EDARADD: variants seen among roughly 807,000 people sequenced by gnomAD.
The protein encoded by EDARADD is EDAR associated via death domain.
A neutral mutation model predicts 25.6 loss-of-function variants in EDARADD; 20 were observed. That is an observed-to-expected ratio of 0.78 (90% CI 0.55 to 1.14). EDARADD has a LOEUF of 1.14. Among genes scored for constraint, EDARADD ranks in the 50% most tolerant of loss-of-function variants. The probability of loss-of-function intolerance (pLI) is 0.00; values close to 1 mark genes in which losing one functional copy is unlikely to be tolerated. For missense variants in EDARADD, 225 were observed against 270.1 expected (o/e 0.83, Z 1.17); for synonymous variants, 86 against 94.4 (o/e 0.91, Z 0.52).
intron 3 of EDARADD, among the ~76,000 whole-genome samples, chr1:236,375,770 C>T (rs1572114806): frequency 6.6e-6 from 1 of 151,614 alleles, no homozygotes; most frequent in Non-Finnish European, 1.5e-5. Context: ...GCCTGTAGTC[C>T]CAGCTACTTG....
At chr1:236,427,341 TTTTTA>T (rs1399966805) in intron 3 of EDARADD, 46 bp from the exon 4 acceptor site, 2 of 1,577,012 alleles carry the variant, frequency 1.3e-6, no homozygotes, top group Non-Finnish European at 1.7e-6. Flanking sequence ...GAGTGTGTGC[TTTTTA>T]AAATCACACT....
chr1:236,483,957 G>T lies in EDARADD; in HGVS notation c.*1308G>T. On this transcript the variant is annotated 3_prime_UTR_variant, in exon 6 of 6. Coordinates refer to ENST00000334232, the MANE Select transcript of EDARADD (RefSeq NM_145861.4). ...GTATGACCTGGAATTCAAGTTTCTC[G>T]ACGACCCCACCAGGTACATCTCACC... is the stretch of plus-strand genomic sequence containing the variant. 1 of 1,371,668 alleles carries T rather than the reference G, an allele frequency of 7.3e-7. No homozygotes were observed. The highest frequency in any genetic ancestry group is 1.2e-5 in the South Asian group (1 of 85,866). The allele number at this position is 1,371,668 out of a possible 1,614,324, so 85.0% of individuals were successfully genotyped here.
intron 4 of EDARADD, among the ~76,000 whole-genome samples, chr1:236,436,282 G>A (rs1042738420): frequency 9.2e-5 from 14 of 151,720 alleles, no homozygotes; most frequent in Non-Finnish European, 1.5e-4. Context: ...CTCAGCCCCC[G>A]AGTAGCTCGA....
In EDARADD at chr1:236,395,774, G is replaced by A. The variant is rs896486994; in HGVS notation, c.61+1269G>A. The A allele has an allele frequency of 1.7e-6, 2 of 1,168,376 alleles. No individual in the cohort carries two copies. The highest frequency in any genetic ancestry group is 1.6e-5 in the African/African-American group (1 of 61,184). The allele number at this position is 1,168,376 out of a possible 1,614,324, so 72.4% of individuals were successfully genotyped here. A position where few individuals can be genotyped will look rare whatever the true frequency, so the allele number is the denominator to read the frequency against. ...GAGGCCGGGCCTCGGCGACCCCCGA[G>A]GGAGGCCCGGGAACCACCCCCGACC... is the stretch of plus-strand genomic sequence containing the variant. On this transcript the variant is annotated intron_variant, in intron 1 of 5. Coordinates refer to ENST00000334232, the MANE Select transcript of EDARADD (RefSeq NM_145861.4). The surrounding 1 kb of genome is among the most constrained non-coding windows in gnomAD (Gnocchi z 6.9).
Position 236,402,535 on chromosome 1 carries a change from TGA to T in EDARADD, c.62-6675_62-6674del, listed in dbSNP as rs1374267864. Reference sequence around the variant, plus strand: ...TTAAGCCACTGCACTCCAGCCTGGGTGAGAGAGTGAAACCCTGTCTCAAAATT... The same window carrying T: ...TTAAGCCACTGCACTCCAGCCTGGGTGAGAGTGAAACCCTGTCTCAAAATT... On this transcript the variant is annotated intron_variant, in intron 1 of 5. Coordinates refer to ENST00000334232, the MANE Select transcript of EDARADD (RefSeq NM_145861.4). 3.9e-5 allele frequency among the ~76,000 whole-genome samples: 6 copies of T among 152,140 alleles called. No homozygotes were observed. The East Asian group carries it at 1.2e-3, about 29-fold the overall frequency.
chr1:236,434,441 T>C (rs1015159409), intron 4 of EDARADD, among the ~76,000 whole-genome samples: 5 of 152,140 alleles, frequency 3.3e-5, no homozygotes, highest in Non-Finnish European at 5.9e-5. Context: ...GGTTTTGCCA[T>C]GTTGGCCAGG....
intron 5 of EDARADD, among the ~76,000 whole-genome samples, chr1:236,472,706 G>T (rs1160804265): frequency 6.6e-6 from 1 of 152,060 alleles, no homozygotes; most frequent in Non-Finnish European, 1.5e-5. Flanking sequence ...TGCTTCTTAC[G>T]TGTGCTAGGA....
intron 1 of EDARADD, among the ~76,000 whole-genome samples, chr1:236,400,090 A>T (rs754945838): frequency 4.6e-5 from 7 of 152,204 alleles, no homozygotes; most frequent in Non-Finnish European, 7.4e-5. Context: ...GAGGGATGGC[A>T]ATCTGTGGTT....
At chr1:236,356,774 C>G (rs1176631525) in intron 3 of EDARADD, among the ~76,000 whole-genome samples, 1 of 151,652 alleles carries the variant, frequency 6.6e-6, no homozygotes, top group East Asian at 1.9e-4. Flanking sequence ...AAAACCACAC[C>G]AATTTGGCTT....
chr1:236,432,933 A>G (rs1034886535), intron 4 of EDARADD, among the ~76,000 whole-genome samples: 9 of 151,550 alleles, frequency 5.9e-5, no homozygotes, highest in African/African-American at 2.2e-4. Flanking sequence ...CTCTCAAAAA[A>G]AAAAAAAGAA....
intron 4 of EDARADD, among the ~76,000 whole-genome samples, chr1:236,441,462 A>G (rs1323533202): frequency 6.9e-6 from 1 of 145,958 alleles, no homozygotes; most frequent in Non-Finnish European, 1.5e-5. Context: ...AAGAAATATT[A>G]TATATTATAT....
chr1:236,414,756 C>T (rs1345653862), intron 3 of EDARADD, among the ~76,000 whole-genome samples: 1 of 152,030 alleles, frequency 6.6e-6, no homozygotes, highest in Non-Finnish European at 1.5e-5. Context: ...ACCTGTAATC[C>T]CAGCTACTAA....
chr1:236,371,881 C>T (rs1307911957), intron 3 of EDARADD, among the ~76,000 whole-genome samples: 1 of 150,732 alleles, frequency 6.6e-6, no homozygotes, highest in African/African-American at 2.4e-5. Context: ...CGTAGATGTT[C>T]TTTATGAAGT....
At chr1:236,430,126 A>G (rs1177430604) in intron 4 of EDARADD, among the ~76,000 whole-genome samples, 1 of 152,240 alleles carries the variant, frequency 6.6e-6, no homozygotes, top group East Asian at 1.9e-4. Flanking sequence ...TGTCTTGAAA[A>G]TGGTCAGTGG....
At chr1:236,476,127 G>A (rs977866198) in intron 5 of EDARADD, among the ~76,000 whole-genome samples, 38 of 152,192 alleles carry the variant, frequency 2.5e-4, no homozygotes, top group African/African-American at 7.2e-4. Context: ...GGTAGGCAGA[G>A]GTTGCAGTGA....
chr1:236,464,486 G>A (rs1312493490), intron 4 of EDARADD, among the ~76,000 whole-genome samples: 2 of 143,132 alleles, frequency 1.4e-5, no homozygotes, highest in Non-Finnish European at 3.0e-5. Context: ...AGGCTGGAGT[G>A]CAGTGGTGTG....
At chr1:236,378,061 ATGACTC>A (rs1186879283) in intron 3 of EDARADD, among the ~76,000 whole-genome samples, 3 of 152,090 alleles carry the variant, frequency 2.0e-5, no homozygotes, top group Non-Finnish European at 4.4e-5. Flanking sequence ...TTGTCAGCCT[ATGACTC>A]TGAACTGTGA....
At chr1:236,421,621 C>A (rs1046629228) in intron 3 of EDARADD, among the ~76,000 whole-genome samples, 4 of 151,724 alleles carry the variant, frequency 2.6e-5, no homozygotes, top group Admixed American at 1.3e-4. Context: ...CCGCAGCCTC[C>A]TGTGTAGCTG....
chr1:236,465,948 C>A (rs534986207), intron 4 of EDARADD, among the ~76,000 whole-genome samples: 5 of 152,138 alleles, frequency 3.3e-5, no homozygotes, highest in Admixed American at 2.0e-4. Context: ...GTCTGCATCA[C>A]GGGGATGATT....
Sources: allele counts gnomAD v4.1 joint callset (sites outside exome capture counted in the v4.1 genomes callset), GRCh38; gene constraint gnomAD v4.1.1; non-coding constraint Gnocchi (gnomAD v3.1); transcripts MANE v1.5; gene names NCBI Gene and HGNC (gene_info 2026-07-23, HGNC 2026-07-21).